Variants in ABLIM3 observed in about 807,000 individuals in gnomAD.
ABLIM3 encodes the protein actin-binding LIM protein 3.
A neutral mutation model predicts 109.5 loss-of-function variants in ABLIM3; 61 were observed. The ratio of observed to expected loss-of-function variants is 0.56; its 90% CI spans 0.45 to 0.69. The LOEUF (loss-of-function observed/expected upper bound fraction) is 0.69, where lower values mean the gene tolerates loss of function less well. Ranked by LOEUF, ABLIM3 falls within the 30% of genes least tolerant of loss-of-function variation. The probability of loss-of-function intolerance (pLI) is 0.00; values close to 1 mark genes in which losing one functional copy is unlikely to be tolerated. For missense variants in ABLIM3, 796 were observed against 889.5 expected (o/e 0.89, Z 1.34); for synonymous variants, 300 against 324.8 (o/e 0.92, Z 0.82).
At position 149,244,789 on chromosome 5, in the gene ABLIM3, TG is replaced by T. The variant is rs1447188338; in HGVS notation, c.1352-89del. 3.9e-6 allele frequency: 6 copies of T among 1,542,068 alleles called. No homozygotes were observed. In the South Asian group the frequency reaches 4.6e-5, roughly 12 times the overall value. On this transcript the variant is annotated intron_variant, in intron 15 of 23. Transcript: ENST00000309868. ...TGATCTTGAAGTGGACTCACTCCCC[TG>T]GGCTGGAGCCTGGTAAAGATAGGAA...
At position 149,244,444 on chromosome 5, in the gene ABLIM3, G is replaced by A. The variant is rs527797147; in HGVS notation, c.1352-437G>A. 30 of 172,948 alleles carry A rather than the reference G, an allele frequency of 1.7e-4. No homozygotes were observed. The South Asian group carries it at 3.5e-3, about 20-fold the overall frequency. The allele number at this position is 172,948 out of a possible 1,614,324, so 10.7% of individuals were successfully genotyped here. On this transcript the variant is annotated intron_variant, in intron 15 of 23. Coordinates refer to ENST00000309868, the MANE Select transcript of ABLIM3 (RefSeq NM_014945.5). Reference sequence around the variant, plus strand: ...GCATCTCAGGTTGTGAGAAATGATGGAGTTCAAATTTATAACAAGGAAGGC... The same window carrying A: ...GCATCTCAGGTTGTGAGAAATGATGAAGTTCAAATTTATAACAAGGAAGGC...
intron 2 of ABLIM3, among the ~76,000 whole-genome samples, chr5:149,158,411 T>C (rs1754039292): frequency 6.6e-6 from 1 of 152,198 alleles, no homozygotes; most frequent in South Asian, 2.1e-4. Context: ...GTAATACTAA[T>C]ATACAGAGGA....
chr5:149,236,855 T>G (rs549597858), intron 10 of ABLIM3, among the ~76,000 whole-genome samples: 10 of 152,348 alleles, frequency 6.6e-5, no homozygotes, highest in African/African-American at 2.4e-4. Flanking sequence ...TGCCTACTAC[T>G]AGAGTTGTGA....
At chr5:149,144,345 C>T (rs1386023192) in intron 2 of ABLIM3, among the ~76,000 whole-genome samples, 3 of 152,228 alleles carry the variant, frequency 2.0e-5, no homozygotes, top group Admixed American at 6.5e-5. Flanking sequence ...CCCAAACCCA[C>T]GAGTCTGCAA....
intron 6 of ABLIM3, among the ~76,000 whole-genome samples, chr5:149,210,518 C>A (rs987482265): frequency 6.6e-6 from 1 of 152,318 alleles, no homozygotes; most frequent in East Asian, 1.9e-4. Flanking sequence ...ATGGAGCACA[C>A]AGGAGGTGGT....
intron 8 of ABLIM3, among the ~76,000 whole-genome samples, chr5:149,223,459 A>G (rs1251999330): frequency 6.6e-6 from 1 of 152,216 alleles, no homozygotes; most frequent in African/African-American, 2.4e-5. Flanking sequence ...ATTAGTCTAG[A>G]CATTTTAGGT....
intron 2 of ABLIM3, among the ~76,000 whole-genome samples, chr5:149,154,182 G>A (rs576780301): frequency 6.6e-6 from 1 of 152,210 alleles, no homozygotes; most frequent in Non-Finnish European, 1.5e-5. Flanking sequence ...AGCAGCAGGG[G>A]CAGCCCAAGG....
Position 149,247,831 on chromosome 5 carries a change from G to A in ABLIM3, c.1601G>A (p.Arg534Gln), listed in dbSNP as rs373620710. 7.4e-6 allele frequency: 12 copies of A among 1,614,266 alleles called. No individual in the cohort carries two copies. Among genetic ancestry groups the A allele is most frequent in the Admixed American group, 3.3e-5 (2 of 60,034 alleles). Residue 534 changes from arginine (R) to glutamine (Q), a missense_variant, in exon 18 of 24, where the codon CGG becomes CAG. Physicochemically the swap from Arg to Gln is conservative, Grantham distance 43. Coordinates refer to ENST00000309868, the MANE Select transcript of ABLIM3 (RefSeq NM_014945.5). ...RLILKEEMKA[R>Q]SSSYADPWTP... ...ATTCTGAAGGAAGAAATGAAGGCCC[G>A]GTCGAGCTCCTATGCAGATCCCTGG...
intron 2 of ABLIM3, among the ~76,000 whole-genome samples, chr5:149,179,021 A>C (rs1174501215): frequency 6.6e-6 from 1 of 152,212 alleles, no homozygotes; most frequent in African/African-American, 2.4e-5. Flanking sequence ...AGGAAAAGTC[A>C]GGTGGAGAAA....
At chr5:149,187,775 T>A (rs1279423119) in intron 3 of ABLIM3, among the ~76,000 whole-genome samples, 2 of 152,160 alleles carry the variant, frequency 1.3e-5, no homozygotes, top group African/African-American at 4.8e-5. Flanking sequence ...CTCATTCAGA[T>A]TACCTGCTAC....
At chr5:149,169,766 G>T (rs931152647) in intron 2 of ABLIM3, among the ~76,000 whole-genome samples, 1 of 152,162 alleles carries the variant, frequency 6.6e-6, no homozygotes, top group African/African-American at 2.4e-5. Flanking sequence ...GAGAGCAGGG[G>T]CCATGTTCAC....
At chr5:149,187,866 C>T (rs993741536) in intron 3 of ABLIM3, among the ~76,000 whole-genome samples, 6 of 152,180 alleles carry the variant, frequency 3.9e-5, no homozygotes, top group Middle Eastern at 3.2e-3. Flanking sequence ...TTAGCCTGTG[C>T]GGTCTAACCC....
intron 14 of ABLIM3, among the ~76,000 whole-genome samples, chr5:149,241,923 T>A (rs1353408325): frequency 6.6e-6 from 1 of 152,178 alleles, no homozygotes; most frequent in Non-Finnish European, 1.5e-5. Context: ...AAGGTCTCCC[T>A]CTGAGTCACA....
At chr5:149,224,190 A>G (rs1334986858) in intron 8 of ABLIM3, among the ~76,000 whole-genome samples, 1 of 152,194 alleles carries the variant, frequency 6.6e-6, no homozygotes, top group Non-Finnish European at 1.5e-5. Flanking sequence ...TAATAGTAAC[A>G]ATAGGAATAA....
chr5:149,163,017 A>G (rs1754515510), intron 2 of ABLIM3, among the ~76,000 whole-genome samples: 1 of 152,222 alleles, frequency 6.6e-6, no homozygotes, highest in Non-Finnish European at 1.5e-5. Flanking sequence ...GCCGGAGGGG[A>G]GCAGGGTCTG....
rs140673075 is a variant in ABLIM3 at position 149,251,494 on chromosome 5, C to T, written c.1849+75C>T. ...CCACTCAAAACTGCAGCTTGACCTTCGGCAAATGATGGCTACAGATTCTGT... is the reference window on the plus strand; with the variant it reads ...CCACTCAAAACTGCAGCTTGACCTTTGGCAAATGATGGCTACAGATTCTGT... On this transcript the variant is annotated intron_variant, in intron 21 of 23. Transcript: ENST00000309868. 288 of 1,529,032 alleles carry T rather than the reference C, an allele frequency of 1.9e-4. 1 individual carries two copies. In the African/African-American group the frequency reaches 3.0e-3, roughly 16 times the overall value. 94.7% of individuals were successfully genotyped at this position (1,529,032 alleles called of 1,614,324 possible).
intron 2 of ABLIM3, among the ~76,000 whole-genome samples, chr5:149,175,475 T>A (rs1321099818): frequency 6.6e-6 from 1 of 152,150 alleles, no homozygotes; most frequent in Non-Finnish European, 1.5e-5. Context: ...ATAAGAATGG[T>A]TCCCTGGCAC....
chr5:149,222,767 A>T (rs972241095), intron 8 of ABLIM3, among the ~76,000 whole-genome samples: 16 of 151,116 alleles, frequency 1.1e-4, no homozygotes, highest in Non-Finnish European at 2.1e-4. Flanking sequence ...AGGTGCACTA[A>T]GCTGAGAGAT....
At chr5:149,194,427 A>C (rs1757767508) in intron 3 of ABLIM3, among the ~76,000 whole-genome samples, 1 of 152,200 alleles carries the variant, frequency 6.6e-6, no homozygotes, top group African/African-American at 2.4e-5. Context: ...GCTGGTGGGA[A>C]GGTAAATAGG....
Sources: gnomAD v4.1 joint callset for allele counts (sites outside exome capture counted in the v4.1 genomes callset) on GRCh38, gnomAD v4.1.1 for gene constraint, MANE v1.5 for transcripts, NCBI Gene and HGNC (gene_info 2026-07-23, HGNC 2026-07-21) for gene names.